CDH8: variants seen among roughly 807,000 people sequenced by gnomAD.
The protein encoded by CDH8 is cadherin-8.
Under a neutral mutation model 68.1 loss-of-function variants are expected in CDH8, and 17 were observed. The ratio of observed to expected loss-of-function variants is 0.25; its 90% CI spans 0.17 to 0.37. CDH8 has a LOEUF of 0.37. Among genes scored for constraint, CDH8 ranks in the 10% least tolerant of loss-of-function variants. The pLI, the probability that CDH8 is intolerant of heterozygous loss-of-function variation, is 1.00. For missense variants in CDH8, 763 were observed against 999.3 expected, an observed-to-expected ratio of 0.76 and a Z score of 3.19; for synonymous variants, 372 against 365.1, an observed-to-expected ratio of 1.02 and a Z score of -0.21.
At chr16:61,845,868 G>A (rs753118408) in intron 4 of CDH8, among the ~76,000 whole-genome samples, 8 of 151,970 alleles carry the variant, frequency 5.3e-5, no homozygotes, top group Non-Finnish European at 7.4e-5. Flanking sequence ...TTGAAAAACC[G>A]ACTTATCCTG....
intron 2 of CDH8, among the ~76,000 whole-genome samples, chr16:61,922,622 C>T (rs1265784979): frequency 6.6e-6 from 1 of 152,046 alleles, no homozygotes; most frequent in Non-Finnish European, 1.5e-5. Flanking sequence ...TTTTAGAGAT[C>T]TGTTGATGAG....
In CDH8 at chr16:61,713,967, T is replaced by A; in HGVS notation, c.1537-9A>T. On this transcript the variant is annotated splice_polypyrimidine_tract_variant and intron_variant, in intron 9 of 11. Coordinates refer to ENST00000577390, the MANE Select transcript of CDH8 (RefSeq NM_001796.5). Reference sequence around the variant, plus strand: ...CTAACAGTTTGAATGACCTGAAACATAAAACTTGACGTCAGCATTTCTGAT... The same window carrying A: ...CTAACAGTTTGAATGACCTGAAACAAAAAACTTGACGTCAGCATTTCTGAT... 6.6e-7 allele frequency: 1 copy of A among 1,510,652 alleles called. No homozygotes were observed. Among genetic ancestry groups the A allele is most frequent in the Non-Finnish European group, 9.2e-7 (1 of 1,086,648 alleles). The allele number at this position is 1,510,652 out of a possible 1,614,324, so 93.6% of individuals were successfully genotyped here. A position where few individuals can be genotyped will look rare whatever the true frequency, so the allele number is the denominator to read the frequency against.
intron 3 of CDH8, among the ~76,000 whole-genome samples, chr16:61,875,322 C>T (rs888758556): frequency 6.6e-6 from 1 of 152,062 alleles, no homozygotes; most frequent in African/African-American, 2.4e-5. Flanking sequence ...TTACAATGAC[C>T]CACTAAGCAA....
At chr16:61,683,545 T>A (rs1964050429) in intron 10 of CDH8, among the ~76,000 whole-genome samples, 1 of 152,050 alleles carries the variant, frequency 6.6e-6, no homozygotes, top group Non-Finnish European at 1.5e-5. Context: ...CTGACAAGCC[T>A]GTTGAAAGAG....
rs1319460947 is a variant in CDH8 at position 61,920,342 on chromosome 16, G to A, written c.253-18869C>T. Reference sequence around the variant, plus strand: ...ACCTACAAAATGGGAGAAAATTTTCGCAACCTACTCATCTGACAAAGGGCT... The same window carrying A: ...ACCTACAAAATGGGAGAAAATTTTCACAACCTACTCATCTGACAAAGGGCT... On this transcript the variant is annotated intron_variant, in intron 2 of 11. Transcript: ENST00000577390. 6.9e-3 allele frequency among the ~76,000 whole-genome samples: 983 copies of A among 141,784 alleles called. 8 individuals are homozygous for A. Among genetic ancestry groups the A allele is most frequent in the African/African-American group, 0.024 (910 of 37,270 alleles). The allele number at this position is 141,784 out of a possible 152,430, so 93.0% of individuals were successfully genotyped here.
At chr16:62,006,939 A>G (rs1439836698) in intron 2 of CDH8, among the ~76,000 whole-genome samples, 2 of 148,606 alleles carry the variant, frequency 1.3e-5, no homozygotes, top group Non-Finnish European at 3.0e-5. Flanking sequence ...ACCGAGTCTC[A>G]CTCTGTCGCC....
intron 2 of CDH8, among the ~76,000 whole-genome samples, chr16:61,939,742 A>G (rs1964682350): frequency 6.6e-6 from 1 of 152,214 alleles, no homozygotes. Flanking sequence ...TGCTACACAT[A>G]AAGTTAGAGA....
In CDH8 at chr16:62,023,080, A is replaced by G. The variant is rs200349225; in HGVS notation, c.-199-1478T>C. Among the ~76,000 whole-genome samples the G allele has an allele frequency of 5.3e-5, 8 of 152,322 alleles. No individual in the cohort carries two copies. In the East Asian group the frequency reaches 1.4e-3, roughly 26 times the overall value. On this transcript the variant is annotated intron_variant, in intron 1 of 11. Transcript: ENST00000577390. The stretch of plus-strand genomic sequence containing the variant: ...TGGAATTGCAGAAAATCTTCGCCTT[A>G]AAACAGATTCCCCTTAAGTCTTTCT...
intron 4 of CDH8, among the ~76,000 whole-genome samples, chr16:61,839,488 T>A (rs1157718682): frequency 1.3e-5 from 2 of 152,182 alleles, no homozygotes; most frequent in East Asian, 3.9e-4. Context: ...CAATTGTGAG[T>A]GGACTTAGAA....
intron 8 of CDH8, among the ~76,000 whole-genome samples, chr16:61,741,409 T>C (rs1439214326): frequency 1.3e-5 from 2 of 152,230 alleles, no homozygotes; most frequent in Non-Finnish European, 2.9e-5. Flanking sequence ...TTCATCAATA[T>C]GTGCTTTTGT....
At chr16:61,817,800 A>C in intron 6 of CDH8, 68 bp from the exon 7 acceptor site, 1 of 1,437,608 alleles carries the variant, frequency 7.0e-7, no homozygotes, top group Non-Finnish European at 9.4e-7. Flanking sequence ...AATGAGTATA[A>C]TGCTGATGGA....
At chr16:61,789,776 A>G (rs576859287) in intron 7 of CDH8, among the ~76,000 whole-genome samples, 1 of 152,242 alleles carries the variant, frequency 6.6e-6, no homozygotes, top group East Asian at 1.9e-4. Flanking sequence ...TGGACAATCC[A>G]TCACATTTAT....
chr16:61,900,351 T>G (rs999495995), intron 3 of CDH8, among the ~76,000 whole-genome samples: 2 of 152,166 alleles, frequency 1.3e-5, no homozygotes, highest in African/African-American at 4.8e-5. Context: ...AACTTGGATA[T>G]GTACTACACA....
In CDH8 at chr16:61,973,571, C is replaced by A. The variant is rs561414793; in HGVS notation, c.252+47581G>T. Among the ~76,000 whole-genome samples the A allele has an allele frequency of 2.6e-5, 4 of 152,294 alleles. No individual in the cohort carries two copies. The South Asian group carries it at 6.2e-4, about 24-fold the overall frequency. ...CAGGTGCATGTGGTTATCTGGACAT[C>A]TTCCCAACTCTTGTTCACAACACAG... On this transcript the variant is annotated intron_variant, in intron 2 of 11. Coordinates refer to ENST00000577390, the MANE Select transcript of CDH8 (RefSeq NM_001796.5).
chr16:61,936,078 G>T (rs552221880), intron 2 of CDH8, among the ~76,000 whole-genome samples: 38 of 152,090 alleles, frequency 2.5e-4, no homozygotes, highest in Middle Eastern at 3.4e-3. Context: ...CTCTAAAATG[G>T]GGGCAATAGT....
At chr16:61,798,863 T>C (rs369942813) in intron 7 of CDH8, among the ~76,000 whole-genome samples, 4 of 152,336 alleles carry the variant, frequency 2.6e-5, no homozygotes, top group African/African-American at 9.6e-5. Flanking sequence ...CTTTTACCCA[T>C]TTCTATGTAA....
At chr16:61,916,964 T>C (rs1964248450) in intron 2 of CDH8, among the ~76,000 whole-genome samples, 1 of 152,178 alleles carries the variant, frequency 6.6e-6, no homozygotes, top group South Asian at 2.1e-4. Context: ...TGATTTTTAA[T>C]TATTTTTGCA....
chr16:61,796,234 A>C (rs1372245833), intron 7 of CDH8, among the ~76,000 whole-genome samples: 1 of 152,088 alleles, frequency 6.6e-6, no homozygotes, highest in Non-Finnish European at 1.5e-5. Context: ...CACATTGAAA[A>C]GGCTAATGAG....
At chr16:61,908,943 T>C (rs916202240) in intron 2 of CDH8, among the ~76,000 whole-genome samples, 2 of 152,274 alleles carry the variant, frequency 1.3e-5, no homozygotes, top group South Asian at 4.1e-4. Context: ...AAAAAATATT[T>C]CTGTGAAATA....
Sources: gnomAD v4.1 joint callset for allele counts (sites outside exome capture counted in the v4.1 genomes callset) on GRCh38, gnomAD v4.1.1 for gene constraint, MANE v1.5 for transcripts, NCBI Gene and HGNC (gene_info 2026-07-23, HGNC 2026-07-21) for gene names.